TMEFF1: variants seen among roughly 807,000 people sequenced by gnomAD.
TMEFF1 encodes the protein tomoregulin-1.
Under a neutral mutation model 47.5 loss-of-function variants are expected in TMEFF1, and 20 were observed. The observed-to-expected ratio is 0.42, with a 90% CI of 0.30 to 0.61. The LOEUF (loss-of-function observed/expected upper bound fraction) is 0.61, where lower values mean the gene tolerates loss of function less well. Among genes scored for constraint, TMEFF1 ranks in the 20% least tolerant of loss-of-function variants. The probability of loss-of-function intolerance (pLI) is 0.19; values close to 1 mark genes in which losing one functional copy is unlikely to be tolerated. For missense variants in TMEFF1, 411 were observed against 471.1 expected (o/e 0.87, Z 1.18); for synonymous variants, 162 against 166.3 (o/e 0.97, Z 0.20).
intron 1 of TMEFF1, among the ~76,000 whole-genome samples, chr9:100,482,874 T>G (rs1448416046): frequency 6.6e-6 from 1 of 152,210 alleles, no homozygotes; most frequent in Non-Finnish European, 1.5e-5. Flanking sequence ...GTTCTTCTTT[T>G]TAACTCTTTC....
rs1395186016 is a variant in TMEFF1 at position 100,515,345 on chromosome 9, T to A, written c.464-1330T>A. Reference sequence around the variant, plus strand: ...GCCTCAGAATTACTTAGGATGATAATCCCTGGTATCTGTTTGGGAGTATTC... The same window carrying A: ...GCCTCAGAATTACTTAGGATGATAAACCCTGGTATCTGTTTGGGAGTATTC... On this transcript the variant is annotated intron_variant, in intron 4 of 9. Transcript: ENST00000374879. 2.6e-5 allele frequency among the ~76,000 whole-genome samples: 4 copies of A among 152,110 alleles called. No individual in the cohort carries two copies. The East Asian group carries it at 7.7e-4, about 29-fold the overall frequency.
chr9:100,479,491 C>T (rs1040259500), intron 1 of TMEFF1, among the ~76,000 whole-genome samples: 1 of 152,008 alleles, frequency 6.6e-6, no homozygotes, highest in Non-Finnish European at 1.5e-5. Flanking sequence ...TTTTCATCAC[C>T]CCCAAAAGAA....
chr9:100,573,952 T>C (rs998712793), intron 9 of TMEFF1, among the ~76,000 whole-genome samples: 3 of 152,254 alleles, frequency 2.0e-5, no homozygotes, highest in Non-Finnish European at 4.4e-5. Context: ...GGAAAACACA[T>C]TTAACAGCAT....
chr9:100,487,614 A>G (rs374148592), intron 1 of TMEFF1, among the ~76,000 whole-genome samples: 3 of 152,326 alleles, frequency 2.0e-5, no homozygotes, highest in African/African-American at 7.2e-5. Context: ...GTTTTACAAC[A>G]AAATTTGTCG....
rs757049211 is a variant in TMEFF1 at position 100,564,440 on chromosome 9, G to A, written c.899+2920G>A. ...TAATGCCAAATTCTCCCTGATATTGGGGTGTCAAATTCAACTATGACAGAG... is the reference window on the plus strand; with the variant it reads ...TAATGCCAAATTCTCCCTGATATTGAGGTGTCAAATTCAACTATGACAGAG... On this transcript the variant is annotated intron_variant, in intron 8 of 9. Transcript: ENST00000374879. Among the ~76,000 whole-genome samples the A allele has an allele frequency of 4.6e-5, 7 of 152,186 alleles. No homozygotes were observed. In the East Asian group the frequency reaches 1.2e-3, roughly 25 times the overall value.
chr9:100,523,557 G>T (rs927771975), intron 5 of TMEFF1, among the ~76,000 whole-genome samples: 6 of 152,182 alleles, frequency 3.9e-5, no homozygotes, highest in African/African-American at 1.4e-4. Flanking sequence ...CAGGGTGGTT[G>T]TAAGGATTTA....
rs896423826 is a variant in TMEFF1, at chr9:100,547,064, G to A, written c.561-680G>A. On this transcript the variant is annotated intron_variant, in intron 5 of 9. Coordinates refer to ENST00000374879, the MANE Select transcript of TMEFF1 (RefSeq NM_003692.5). ...AGGGTCTCACTCTGTCCCCCAGGCT[G>A]GAGTACAGTGGTGCAATTATGGCTC... Among the ~76,000 whole-genome samples the A allele has an allele frequency of 5.3e-5, 8 of 152,308 alleles. No homozygotes were observed. In the East Asian group the frequency reaches 1.3e-3, roughly 26 times the overall value.
chr9:100,543,251 C>G (rs1838667629), intron 5 of TMEFF1, among the ~76,000 whole-genome samples: 1 of 152,104 alleles, frequency 6.6e-6, no homozygotes, highest in African/African-American at 2.4e-5. Context: ...TAAATATGCA[C>G]CATGTCTTAG....
chr9:100,508,043 T>A (rs1252663703), intron 2 of TMEFF1, among the ~76,000 whole-genome samples: 1 of 152,202 alleles, frequency 6.6e-6, no homozygotes, highest in Non-Finnish European at 1.5e-5. Flanking sequence ...ATTTTATAAG[T>A]TGGAAATAGC....
intron 5 of TMEFF1, among the ~76,000 whole-genome samples, chr9:100,540,351 G>A (rs1335743221): frequency 2.6e-5 from 4 of 152,204 alleles, no homozygotes; most frequent in East Asian, 3.9e-4. Flanking sequence ...GTCCCCACCC[G>A]ACCTAGAAGC....
At chr9:100,493,728 G>A (rs1434470826) in intron 1 of TMEFF1, among the ~76,000 whole-genome samples, 2 of 152,150 alleles carry the variant, frequency 1.3e-5, no homozygotes, top group Admixed American at 6.5e-5. Context: ...TTTCAGGAAG[G>A]CAGGTGGGTA....
rs554635917 is a variant in TMEFF1, at chr9:100,541,864, C to T, written c.561-5880C>T. Among the ~76,000 whole-genome samples, 30 of 152,124 alleles carry T rather than the reference C, an allele frequency of 2.0e-4. No individual in the cohort carries two copies. The South Asian group carries it at 4.4e-3, about 22-fold the overall frequency. On this transcript the variant is annotated intron_variant, in intron 5 of 9. Coordinates refer to ENST00000374879, the MANE Select transcript of TMEFF1 (RefSeq NM_003692.5). The stretch of plus-strand genomic sequence containing the variant: ...ATATCTGATATTAAATATAACCATA[C>T]GAGGTTTCTTCTATACCCAGGGTGA...
chr9:100,572,889 G>T (rs1267150164), intron 9 of TMEFF1, among the ~76,000 whole-genome samples: 2 of 151,942 alleles, frequency 1.3e-5, no homozygotes, highest in Non-Finnish European at 2.9e-5. Context: ...GAGAGGGAAT[G>T]AGAATAGTCA....
intron 1 of TMEFF1, among the ~76,000 whole-genome samples, chr9:100,489,094 G>C (rs1216668019): frequency 1.3e-5 from 2 of 151,882 alleles, no homozygotes; most frequent in Non-Finnish European, 2.9e-5. Flanking sequence ...CCATCCCCTG[G>C]TAACCACATA....
At position 100,516,757 on chromosome 9, in the gene TMEFF1, T is replaced by C. The variant is rs1013130942; in HGVS notation, c.546T>C (p.Asp182=). The C allele has an allele frequency of 3.8e-5, 62 of 1,613,114 alleles. 1 individual carries two copies. The highest frequency in any genetic ancestry group is 5.1e-5 in the Non-Finnish European group (60 of 1,179,756). Reference sequence around the variant, plus strand: ...AATATAAAGCTGAGTGTGATGAAGATGCAGAAAATGTTGGGTGAGTTGGTT... The same window carrying C: ...AATATAAAGCTGAGTGTGATGAAGACGCAGAAAATGTTGGGTGAGTTGGTT... The part of the protein sequence containing the change: ...PCKYKAECDE[D]AENVGCVCNI... Residue 182 remains aspartate, a synonymous_variant, in exon 5 of 10, where the codon GAT becomes GAC. Coordinates refer to ENST00000374879, the MANE Select transcript of TMEFF1 (RefSeq NM_003692.5).
chr9:100,535,886 C>G (rs1587843303), intron 5 of TMEFF1, among the ~76,000 whole-genome samples: 1 of 152,322 alleles, frequency 6.6e-6, no homozygotes, highest in Non-Finnish European at 1.5e-5. Context: ...TATTCTGCTA[C>G]TCTTTTTCAC....
chr9:100,569,072 T>A (rs1839179259), intron 8 of TMEFF1, among the ~76,000 whole-genome samples: 1 of 152,186 alleles, frequency 6.6e-6, no homozygotes, highest in South Asian at 2.1e-4. Flanking sequence ...CGTGTTTTAA[T>A]TTCACTTGGG....
intron 7 of TMEFF1, among the ~76,000 whole-genome samples, chr9:100,553,911 TACC>T (rs1411097306): frequency 6.6e-6 from 1 of 152,196 alleles, no homozygotes; most frequent in African/African-American, 2.4e-5. Flanking sequence ...ACTTCACATA[TACC>T]ACATCTTATA....
intron 5 of TMEFF1, among the ~76,000 whole-genome samples, chr9:100,527,066 C>G (rs2118426699): frequency 6.6e-6 from 1 of 151,488 alleles, no homozygotes; most frequent in South Asian, 2.1e-4. Context: ...TCTCTCAAAC[C>G]CGAGAGGCGG....
Sources: gnomAD v4.1 joint callset for allele counts (sites outside exome capture counted in the v4.1 genomes callset) on GRCh38, gnomAD v4.1.1 for gene constraint, MANE v1.5 for transcripts, NCBI Gene and HGNC (gene_info 2026-07-23, HGNC 2026-07-21) for gene names.